PPL: variants seen among roughly 807,000 people sequenced by gnomAD.
The protein encoded by PPL is 190 kDa paraneoplastic pemphigus antigen.
Under a neutral mutation model 194.4 loss-of-function variants are expected in PPL, and 198 were observed. That is an observed-to-expected ratio of 1.02 (90% CI 0.91 to 1.15). The LOEUF (loss-of-function observed/expected upper bound fraction) is 1.15. Among genes scored for constraint, PPL ranks in the 50% most tolerant of loss-of-function variants. The pLI is 0.00. For missense variants in PPL, 2,885 were observed against 2,294.8 expected (o/e 1.26, Z -5.25); for synonymous variants, 1,220 against 972.4 (o/e 1.25, Z -4.74).
At chr16:4,896,289 T>G (rs2088425859) in intron 9 of PPL, among the ~76,000 whole-genome samples, 1 of 152,098 alleles carries the variant, frequency 6.6e-6, no homozygotes, top group Admixed American at 6.6e-5. Flanking sequence ...TCCTAAGAAT[T>G]ACCCGCAGCT....
intron 14 of PPL, 69 bp from the exon 15 acceptor site, chr16:4,892,282 G>A (rs2088335721): frequency 5.3e-6 from 8 of 1,499,048 alleles, no homozygotes; most frequent in Non-Finnish European, 5.4e-6. Flanking sequence ...ATGTGCCCAG[G>A]GTGAGCACAG....
At position 4,910,957 on chromosome 16, in the gene PPL, C is replaced by A; in HGVS notation, c.63-8G>T. The A allele has an allele frequency of 6.2e-7, 1 of 1,609,940 alleles. No individual in the cohort carries two copies. The highest frequency in any genetic ancestry group is 1.1e-5 in the South Asian group (1 of 91,004). ...AGCTCCTTGTTAGAGATGCTGCGGG[C>A]AGAAGCCGAGGGGAGATGGGCGGGG... On this transcript the variant is annotated splice_polypyrimidine_tract_variant and splice_region_variant and intron_variant, in intron 1 of 21. Transcript: ENST00000345988.
At chr16:4,928,379 T>C (rs534938957) in intron 1 of PPL, among the ~76,000 whole-genome samples, 2 of 152,356 alleles carry the variant, frequency 1.3e-5, no homozygotes, top group East Asian at 3.9e-4. Flanking sequence ...ATCTCAGCAG[T>C]TCTTACCCAG....
intron 1 of PPL, among the ~76,000 whole-genome samples, chr16:4,917,476 T>A (rs1242371276): frequency 2.0e-5 from 3 of 152,198 alleles, no homozygotes; most frequent in Middle Eastern, 6.8e-3. Context: ...AGAAAGTGGA[T>A]GAGTGGTTGC....
intron 6 of PPL, among the ~76,000 whole-genome samples, chr16:4,899,743 A>G (rs2088518440): frequency 6.6e-6 from 1 of 152,232 alleles, no homozygotes. Context: ...GGGGAAGATG[A>G]CAGTCCTGAC....
rs140774100 is a variant in PPL at position 4,925,522 on chromosome 16, T to G, written c.62+11462A>C. 1.9e-3 allele frequency among the ~76,000 whole-genome samples: 286 copies of G among 152,372 alleles called. 1 individual carries two copies. Among genetic ancestry groups the G allele is most frequent in the African/African-American group, 6.6e-3 (273 of 41,592 alleles). ...CTCTTAATCCTACCTATTAGGCTAT[T>G]AAATTTTTGGACAAAAAGAACTTAC... is the stretch of plus-strand genomic sequence containing the variant. On this transcript the variant is annotated intron_variant, in intron 1 of 21. Coordinates refer to ENST00000345988, the MANE Select transcript of PPL (RefSeq NM_002705.5).
Position 4,899,239 on chromosome 16 carries a change from C to T in PPL, c.752G>A (p.Arg251His), listed in dbSNP as rs61734749. The T allele has an allele frequency of 1.5e-3, 2,362 of 1,613,850 alleles. 22 individuals are homozygous for T. In the African/African-American group the frequency reaches 0.027, roughly 19 times the overall value. ...WSDRNLDYPS[R>H]RRQYENFINR... The stretch of plus-strand genomic sequence containing the variant: ...AGAACCCACCTCATACTGGCGCCGG[C>T]GGCTGGGGTAGTCGAGGTTGCGGTC... The change falls in exon 7 of 22, where the codon CGC becomes CAC. Residue 251 changes from arginine to histidine, a missense_variant. Arg to His is a conservative substitution (Grantham distance 29). Transcript: ENST00000345988.
chr16:4,894,742 G>T, intron 11 of PPL, 124 bp from the exon 12 acceptor site: 1 of 1,093,114 alleles, frequency 9.1e-7, no homozygotes, highest in Non-Finnish European at 1.3e-6. Context: ...GACCCTCCCC[G>T]TAGAGTGGGG....
In PPL at chr16:4,935,573, T is replaced by C. The variant is rs141721379; in HGVS notation, c.62+1411A>G. ...GCCCAGTCTCTGGGGTTGTGAAAGA[T>C]AGGGGAGGGGTGGGGAAATCTCTAA... On this transcript the variant is annotated intron_variant, in intron 1 of 21. Transcript: ENST00000345988. Among the ~76,000 whole-genome samples the C allele has an allele frequency of 6.9e-3, 1,044 of 151,758 alleles. 12 individuals carry two copies. The highest frequency in any genetic ancestry group is 0.024 in the African/African-American group (1,011 of 41,310).
intron 1 of PPL, among the ~76,000 whole-genome samples, chr16:4,916,769 T>C (rs1357551268): frequency 6.6e-6 from 1 of 151,782 alleles, no homozygotes; most frequent in Non-Finnish European, 1.5e-5. Context: ...CCTCCCAAAA[T>C]ATTAGGATTA....
rs558570024 is a variant in PPL at position 4,893,790 on chromosome 16, T to C, written c.1395-152A>G. The stretch of plus-strand genomic sequence containing the variant: ...GCAAGTGCTCACTGTGGCACTGGCC[T>C]TTCTGTGCTCCTGGGCTCAGAGCTC... On this transcript the variant is annotated intron_variant, in intron 12 of 21. Coordinates refer to ENST00000345988, the MANE Select transcript of PPL (RefSeq NM_002705.5). 83 of 620,334 alleles carry C rather than the reference T, an allele frequency of 1.3e-4. No homozygotes were observed. In the Admixed American group the frequency reaches 1.4e-3, roughly 11 times the overall value. 38.4% of individuals were successfully genotyped at this position (620,334 alleles called of 1,614,324 possible). A position where few individuals can be genotyped will look rare whatever the true frequency, so the allele number is the denominator to read the frequency against.
At chr16:4,923,341 C>T (rs891010770) in intron 1 of PPL, among the ~76,000 whole-genome samples, 5 of 152,188 alleles carry the variant, frequency 3.3e-5, no homozygotes, top group Non-Finnish European at 4.4e-5. Flanking sequence ...CATTTGGGAG[C>T]ACAGGTAAGT....
intron 1 of PPL, among the ~76,000 whole-genome samples, chr16:4,934,166 T>C (rs2089262279): frequency 6.6e-6 from 1 of 152,164 alleles, no homozygotes; most frequent in Non-Finnish European, 1.5e-5. Context: ...ACTCTGTCAT[T>C]AGCTCAGGTG....
chr16:4,922,489 C>G (rs2089069316), intron 1 of PPL, among the ~76,000 whole-genome samples: 1 of 152,164 alleles, frequency 6.6e-6, no homozygotes, highest in Admixed American at 6.5e-5. Context: ...TAGTGAAACC[C>G]TGTCTCTACT....
rs192668040 is a variant in PPL at position 4,932,963 on chromosome 16, G to C, written c.62+4021C>G. On this transcript the variant is annotated intron_variant, in intron 1 of 21. Transcript: ENST00000345988. Reference sequence around the variant, plus strand: ...CTTAAGAGACCCAGAGCTGCGGCCTGAACTCATGCCCAGCTAGCATCAAAC... The same window carrying C: ...CTTAAGAGACCCAGAGCTGCGGCCTCAACTCATGCCCAGCTAGCATCAAAC... Among the ~76,000 whole-genome samples, 5 of 151,566 alleles carry C rather than the reference G, an allele frequency of 3.3e-5. No individual in the cohort carries two copies. The East Asian group carries it at 9.7e-4, about 29-fold the overall frequency.
intron 1 of PPL, among the ~76,000 whole-genome samples, chr16:4,921,595 C>CAA (rs112313139): frequency 0.029 from 4,380 of 151,994 alleles, 206 homozygotes; most frequent in African/African-American, 0.1. Flanking sequence ...GCCTCCCGAG[C>CAA]AGCTGGAATT....
chr16:4,936,234 C>A (rs1218755134), intron 1 of PPL, among the ~76,000 whole-genome samples: 2 of 152,206 alleles, frequency 1.3e-5, no homozygotes, highest in Admixed American at 6.5e-5. Flanking sequence ...GGGAGCCACA[C>A]CCCTGCGAAA....
At chr16:4,924,750 G>A (rs1454748887) in intron 1 of PPL, among the ~76,000 whole-genome samples, 1 of 151,864 alleles carries the variant, frequency 6.6e-6, no homozygotes, top group Non-Finnish European at 1.5e-5. Context: ...GGTCCCCAGA[G>A]CCCCTGCAAC....
chr16:4,936,843 G>T, intron 1 of PPL, 141 bp downstream of exon 1: 1 of 792,370 alleles, frequency 1.3e-6, no homozygotes, highest in Non-Finnish European at 1.8e-6. Flanking sequence ...CCGCGTTCCC[G>T]AGAGTCCCGC....
Sources: allele counts gnomAD v4.1 joint callset (sites outside exome capture counted in the v4.1 genomes callset), GRCh38; gene constraint gnomAD v4.1.1; transcripts MANE v1.5; gene names NCBI Gene and HGNC (gene_info 2026-07-23, HGNC 2026-07-21).